The following GTF3C2 variants were observed in gnomAD, a reference collection of about 807,000 sequenced individuals.
GTF3C2 encodes general transcription factor 3C polypeptide 2.
GTF3C2 carries 17 observed loss-of-function variants against 117.4 expected under a neutral mutation model. The observed-to-expected ratio is 0.14, with a 90% CI of 0.10 to 0.22. The LOEUF (loss-of-function observed/expected upper bound fraction) is 0.22, where lower values mean the gene tolerates loss of function less well. GTF3C2 is among the 10% of genes least tolerant of loss of function. The pLI, the probability that GTF3C2 is intolerant of heterozygous loss-of-function variation, is 1.00. For synonymous variants in GTF3C2, 437 were observed against 427.0 expected, an observed-to-expected ratio of 1.02 and a Z score of -0.29; for missense variants, 888 against 1,143.6, an observed-to-expected ratio of 0.78 and a Z score of 3.22.
exon 16 of GTF3C2, chr2:27,328,474 T>C (rs748142175): frequency 6.2e-7 from 1 of 1,614,092 alleles, no homozygotes. Flanking sequence ...GTACAAATCT[T>C]CGCTCTACAG....
At chr2:27,353,862 A>T (rs1440667135) in intron 1 of GTF3C2, among the ~76,000 whole-genome samples, 1 of 152,032 alleles carries the variant, frequency 6.6e-6, no homozygotes, top group East Asian at 1.9e-4. Flanking sequence ...CACTGGGACC[A>T]CATGCACACA....
At chr2:27,353,098 A>C (rs1572587209) in intron 1 of GTF3C2, among the ~76,000 whole-genome samples, 2 of 152,260 alleles carry the variant, frequency 1.3e-5, no homozygotes, top group South Asian at 4.1e-4. Context: ...AAATACTATA[A>C]AGATAGCAAC....
At chr2:27,327,085 A>G (rs1680101397) in intron 18 of GTF3C2, 92 bp downstream of exon 18, 1 of 737,050 alleles carries the variant, frequency 1.4e-6, no homozygotes, top group Non-Finnish European at 2.3e-6. Flanking sequence ...GGAGGTTGTC[A>G]TCTGTGTAAC....
intron 1 of GTF3C2, chr2:27,356,081 C>T (rs1283132697): frequency 7.8e-7 from 1 of 1,287,160 alleles, no homozygotes. Context: ...AGAGGTTTGT[C>T]CATACCCTAT....
intron 1 of GTF3C2, chr2:27,356,156 C>A: frequency 8.1e-7 from 1 of 1,233,204 alleles, no homozygotes; most frequent in Non-Finnish European, 1.1e-6. Context: ...ACTTCCCCAA[C>A]AGGCAGCCAA....
chr2:27,353,122 C>CTG (rs1025267471), intron 1 of GTF3C2, among the ~76,000 whole-genome samples: 2 of 152,176 alleles, frequency 1.3e-5, no homozygotes, highest in Non-Finnish European at 2.9e-5. Context: ...AGGCCGGGCG[C>CTG]TGTGGCTCAT....
chr2:27,327,327 CGTTT>C (rs747546740), intron 17 of GTF3C2, 43 bp from the exon 18 acceptor site: 10 of 1,085,036 alleles, frequency 9.2e-6, no homozygotes, highest in African/African-American at 4.7e-5. Context: ...GTGAGACGCT[CGTTT>C]GTTTTTTTTA....
intron 8 of GTF3C2, 51 bp from the exon 9 acceptor site, chr2:27,336,079 G>T: frequency 7.1e-7 from 1 of 1,411,514 alleles, no homozygotes; most frequent in Non-Finnish European, 1.0e-6. Flanking sequence ...GGGACGCAGG[G>T]CTGCCAGAGG....
chr2:27,332,900 G>A (rs1680329054), intron 12 of GTF3C2, among the ~76,000 whole-genome samples: 1 of 151,492 alleles, frequency 6.6e-6, no homozygotes, highest in South Asian at 2.1e-4. Flanking sequence ...ATTTTTAGTA[G>A]AGACAGGCTT....
chr2:27,337,932 T>C lies in GTF3C2; in HGVS notation c.944A>G (p.Lys315Arg). 1 of 1,584,472 alleles carries C rather than the reference T, an allele frequency of 6.3e-7. No individual in the cohort carries two copies. The highest frequency in any genetic ancestry group is 1.1e-5 in the South Asian group (1 of 90,488). Residue 315 changes from lysine to arginine, a missense_variant, in exon 5 of 19, where the codon AAG becomes AGG. This residue lies in a region of GTF3C2 where 393 missense variants were observed against 401.5 expected (regional missense o/e 0.98). Coordinates refer to ENST00000264720, the Ensembl canonical transcript of GTF3C2. ...CCCTGTCCCCAAGTCTCACAAGTCC[T>C]TGGTGAGATGGAGGCACTTCCAAAC...
intron 17 of GTF3C2, 111 bp downstream of exon 17, chr2:27,327,926 G>T: frequency 2.3e-6 from 2 of 855,876 alleles, no homozygotes; most frequent in East Asian, 5.5e-5. Flanking sequence ...GCACCTGGCC[G>T]AGGCTCCTTA....
At chr2:27,347,236 C>A (rs558363474) in intron 1 of GTF3C2, among the ~76,000 whole-genome samples, 1 of 152,274 alleles carries the variant, frequency 6.6e-6, no homozygotes, top group Admixed American at 6.5e-5. Context: ...CCCCGCCCCC[C>A]ACAGATCTAT....
At chr2:27,342,143 G>A (rs756616776) in exon 4 of GTF3C2, 2 of 1,614,094 alleles carry the variant, frequency 1.2e-6, no homozygotes, top group Admixed American at 3.3e-5. Context: ...GTTTGGTGGG[G>A]CTGCTCACCT....
At chr2:27,339,888 G>C (rs528323326) in intron 4 of GTF3C2, 3 of 150,668 alleles carry the variant, frequency 2.0e-5, no homozygotes, top group African/African-American at 7.3e-5. Flanking sequence ...TTGGGAAGCC[G>C]AGGCAGGAGA....
intron 12 of GTF3C2, 142 bp downstream of exon 12, chr2:27,333,513 T>A (rs1360931818): frequency 4.2e-5 from 26 of 622,672 alleles, no homozygotes; most frequent in Admixed American, 9.4e-5. Flanking sequence ...ACTTATTTCT[T>A]TCTATTTTTT....
chr2:27,337,387 C>T, intron 6 of GTF3C2, 45 bp from the exon 7 acceptor site: 1 of 1,501,640 alleles, frequency 6.7e-7, no homozygotes, highest in Non-Finnish European at 9.3e-7. Flanking sequence ...AAGTGTTTCA[C>T]CCATCTCAGG....
chr2:27,349,309 G>A (rs539700425), intron 1 of GTF3C2, among the ~76,000 whole-genome samples: 197 of 151,418 alleles, frequency 1.3e-3, no homozygotes, highest in African/African-American at 4.5e-3. Flanking sequence ...CATCATGCCC[G>A]GCTAATTTTT....
exon 10 of GTF3C2, chr2:27,335,621 G>A (rs751725886): frequency 6.4e-7 from 1 of 1,552,272 alleles, no homozygotes; most frequent in South Asian, 1.2e-5. Context: ...AGCCAGCAGG[G>A]CCTCCGGATG....
intron 18 of GTF3C2, 51 bp from the exon 19 acceptor site, chr2:27,326,944 G>T: frequency 8.2e-7 from 1 of 1,223,860 alleles, no homozygotes; most frequent in Non-Finnish European, 1.2e-6. Context: ...TGGTGCTTTA[G>T]GGTGACTCCT....
Sources: gnomAD v4.1 joint callset for allele counts (sites outside exome capture counted in the v4.1 genomes callset) on GRCh38, gnomAD v4.1.1 for gene constraint, gnomAD v4.1.1 regional missense constraint, MANE v1.5 for transcripts, NCBI Gene and HGNC (gene_info 2026-07-23, HGNC 2026-07-21) for gene names.